Variants in PRUNE2 observed in about 807,000 individuals in gnomAD.
PRUNE2 encodes protein prune homolog 2.
Under a neutral mutation model 252.0 loss-of-function variants are expected in PRUNE2, and 164 were observed. The observed-to-expected ratio is 0.65, with a 90% CI of 0.57 to 0.74. The LOEUF (loss-of-function observed/expected upper bound fraction) is 0.74. Among genes scored for constraint, PRUNE2 ranks in the 30% least tolerant of loss-of-function variants. The probability of loss-of-function intolerance (pLI) is 0.00; values close to 1 mark genes in which losing one functional copy is unlikely to be tolerated. For synonymous variants in PRUNE2, 1,292 were observed against 1,350.2 expected (o/e 0.96, Z 0.94); for missense variants, 3,495 against 3,711.0 (o/e 0.94, Z 1.51).
intron 1 of PRUNE2, among the ~76,000 whole-genome samples, chr9:76,894,716 G>GAAAAA (rs1170899729): frequency 8.1e-5 from 9 of 110,694 alleles, no homozygotes; most frequent in East Asian, 2.1e-4. Flanking sequence ...ATTTTCTGCA[G>GAAAAA]CAAAAAAAAA....
chr9:76,829,001 AG>A (rs1214747553), intron 4 of PRUNE2, among the ~76,000 whole-genome samples: 1 of 125,722 alleles, frequency 8.0e-6, no homozygotes, highest in East Asian at 2.4e-4. Flanking sequence ...TAGGAGACAG[AG>A]TCTCACTCTG....
At chr9:76,687,454 T>C (rs554949521) in intron 9 of PRUNE2, among the ~76,000 whole-genome samples, 2 of 152,318 alleles carry the variant, frequency 1.3e-5, no homozygotes, top group Non-Finnish European at 2.9e-5. Context: ...AATCCTGCTT[T>C]TCAGGGCAAT....
intron 1 of PRUNE2, among the ~76,000 whole-genome samples, chr9:76,898,094 T>C (rs1343968885): frequency 6.6e-6 from 1 of 152,208 alleles, no homozygotes; most frequent in Non-Finnish European, 1.5e-5. Context: ...ATTGTGTGAC[T>C]AGCAAGTAAA....
chr9:76,828,973 C>T (rs1002722807), intron 4 of PRUNE2, among the ~76,000 whole-genome samples: 1 of 144,690 alleles, frequency 6.9e-6, no homozygotes, highest in African/African-American at 2.6e-5. Context: ...GCTAAGATCA[C>T]GCCACTTCAC....
chr9:76,823,254 C>CT (rs1267451049), intron 6 of PRUNE2: 2,632 of 144,260 alleles, frequency 0.018, 55 homozygotes, highest in African/African-American at 0.056. Context: ...TTTCTTTTTT[C>CT]TTTTTTTTTT....
At chr9:76,669,458 CA>C (rs950038344) in intron 9 of PRUNE2, among the ~76,000 whole-genome samples, 1 of 152,014 alleles carries the variant, frequency 6.6e-6, no homozygotes, top group Non-Finnish European at 1.5e-5. Flanking sequence ...TAGCTGGGAT[CA>C]CAGCTGCGGG....
intron 6 of PRUNE2, among the ~76,000 whole-genome samples, chr9:76,791,007 T>TA (rs1201225680): frequency 1.3e-5 from 2 of 152,220 alleles, no homozygotes; most frequent in Non-Finnish European, 2.9e-5. Flanking sequence ...TGATCTCACT[T>TA]ATACGTGAAA....
intron 4 of PRUNE2, among the ~76,000 whole-genome samples, chr9:76,829,686 G>A (rs1023120841): frequency 6.6e-6 from 1 of 151,894 alleles, no homozygotes; most frequent in South Asian, 2.1e-4. Context: ...AGCAAAAATG[G>A]ATCAGTCTTC....
intron 9 of PRUNE2, among the ~76,000 whole-genome samples, chr9:76,685,440 A>G (rs137962167): frequency 3.4e-4 from 52 of 152,326 alleles, no homozygotes; most frequent in Admixed American, 7.2e-4. Context: ...TGCATCCTCC[A>G]AGATTCTTAT....
At chr9:76,763,552 G>A (rs1383275809) in intron 6 of PRUNE2, among the ~76,000 whole-genome samples, 2 of 152,214 alleles carry the variant, frequency 1.3e-5, no homozygotes, top group Non-Finnish European at 2.9e-5. Flanking sequence ...GAACTGGGAT[G>A]ACACAAAAGT....
chr9:76,666,406 C>T (rs113367229), intron 9 of PRUNE2, among the ~76,000 whole-genome samples: 3 of 152,350 alleles, frequency 2.0e-5, no homozygotes, highest in African/African-American at 4.8e-5. Flanking sequence ...ATTGGCCACG[C>T]TCCTAGTCCG....
Position 76,705,946 on chromosome 9 carries a change from C to A in PRUNE2, c.6328G>T (p.Asp2110Tyr). ...QASDSPDICH[D>Y]SEAKQETEKH... ...TCAGTCTCTTGCTTTGCTTCAGAAT[C>A]GTGACATATATCAGGGCTGTCGGAA... The change falls in exon 8 of 19, where the codon GAT (aspartate) becomes TAT (tyrosine). Residue 2110 changes from aspartate (D) to tyrosine (Y), a missense_variant. Transcript: ENST00000376718. 6.2e-7 allele frequency: 1 copy of A among 1,613,980 alleles called. No homozygotes were observed. The highest frequency in any genetic ancestry group is 1.1e-5 in the South Asian group (1 of 91,076).
chr9:76,656,193 A>G (rs1849160251), intron 9 of PRUNE2, among the ~76,000 whole-genome samples: 1 of 152,188 alleles, frequency 6.6e-6, no homozygotes, highest in African/African-American at 2.4e-5. Flanking sequence ...AAGTGTAGGG[A>G]AACAGGAAAT....
At chr9:76,617,044 T>G (rs1257380351) in intron 18 of PRUNE2, among the ~76,000 whole-genome samples, 1 of 152,156 alleles carries the variant, frequency 6.6e-6, no homozygotes, top group Non-Finnish European at 1.5e-5. Context: ...TAGAATTGAA[T>G]ATTCTTAATC....
intron 1 of PRUNE2, among the ~76,000 whole-genome samples, chr9:76,898,347 G>A (rs545604838): frequency 6.6e-6 from 1 of 152,330 alleles, no homozygotes; most frequent in Non-Finnish European, 1.5e-5. Flanking sequence ...GGCTATTGCT[G>A]CTCTCAGGGA....
chr9:76,888,366 C>G (rs2062234634), intron 1 of PRUNE2, among the ~76,000 whole-genome samples: 2 of 152,112 alleles, frequency 1.3e-5, no homozygotes, highest in Non-Finnish European at 2.9e-5. Flanking sequence ...ATCACAGGGT[C>G]AAGAGATCAA....
chr9:76,803,519 C>G (rs550981958), intron 6 of PRUNE2, among the ~76,000 whole-genome samples: 1 of 152,222 alleles, frequency 6.6e-6, no homozygotes, highest in Admixed American at 6.5e-5. Context: ...AACATAACTC[C>G]CCAGGCATTT....
intron 1 of PRUNE2, among the ~76,000 whole-genome samples, chr9:76,858,641 G>A (rs2060385873): frequency 6.6e-6 from 1 of 151,952 alleles, no homozygotes; most frequent in African/African-American, 2.4e-5. Flanking sequence ...ATAGCATTAG[G>A]AGAAATACCT....
Position 76,905,911 on chromosome 9 carries a change from T to G in PRUNE2, c.36+17A>C, listed in dbSNP as rs2063470320. 1 of 1,614,160 alleles carries G rather than the reference T, an allele frequency of 6.2e-7. No individual in the cohort carries two copies. The highest frequency in any genetic ancestry group is 8.5e-7 in the Non-Finnish European group (1 of 1,179,994). On this transcript the variant is annotated intron_variant, in intron 1 of 18. Coordinates refer to ENST00000376718, the MANE Select transcript of PRUNE2 (RefSeq NM_015225.3). Reference sequence around the variant, plus strand: ...TACGCGCGCGCGCACACACACAGCTTTGCTCACTCAACTTACCAGTTTAGA... The same window carrying G: ...TACGCGCGCGCGCACACACACAGCTGTGCTCACTCAACTTACCAGTTTAGA...
Sources: allele counts gnomAD v4.1 joint callset (sites outside exome capture counted in the v4.1 genomes callset), GRCh38; gene constraint gnomAD v4.1.1; transcripts MANE v1.5; gene names NCBI Gene and HGNC (gene_info 2026-07-23, HGNC 2026-07-21).